FNDC3B: variants seen among roughly 807,000 people sequenced by gnomAD.
The protein encoded by FNDC3B is fibronectin type III domain-containing protein 3B.
Under a neutral mutation model 151.5 loss-of-function variants are expected in FNDC3B, and 12 were observed. The observed-to-expected ratio is 0.08, with a 90% CI of 0.05 to 0.13. The LOEUF (loss-of-function observed/expected upper bound fraction) is 0.13, where lower values mean the gene tolerates loss of function less well. FNDC3B is among the 10% of genes least tolerant of loss of function. The pLI is 1.00. For synonymous variants in FNDC3B, 528 were observed against 549.0 expected, an observed-to-expected ratio of 0.96 and a Z score of 0.54; for missense variants, 1,214 against 1,505.3, an observed-to-expected ratio of 0.81 and a Z score of 3.20.
chr3:172,317,084 A>G (rs538403479), intron 11 of FNDC3B: 1 of 422,728 alleles, frequency 2.4e-6, no homozygotes, highest in Admixed American at 3.0e-5. Context: ...ATGGCAATGC[A>G]TTTGTGAGGA....
At chr3:172,332,645 C>T (rs1481307013) in intron 13 of FNDC3B, among the ~76,000 whole-genome samples, 2 of 152,128 alleles carry the variant, frequency 1.3e-5, no homozygotes, top group Non-Finnish European at 2.9e-5. Context: ...AATGTTTGCC[C>T]TCCTAAAGGA....
intron 3 of FNDC3B, among the ~76,000 whole-genome samples, chr3:172,196,930 C>A (rs1446353106): frequency 6.6e-6 from 1 of 152,180 alleles, no homozygotes. Flanking sequence ...CGCCTGTAAT[C>A]CCACCACTTT....
chr3:172,223,805 A>G (rs1358818362), intron 3 of FNDC3B, among the ~76,000 whole-genome samples: 1 of 152,280 alleles, frequency 6.6e-6, no homozygotes, highest in East Asian at 1.9e-4. Context: ...TTAAAAAGCA[A>G]CCAAAACTAT....
intron 3 of FNDC3B, among the ~76,000 whole-genome samples, chr3:172,218,372 C>T (rs528071567): frequency 6.6e-6 from 1 of 152,068 alleles, no homozygotes; most frequent in East Asian, 1.9e-4. Context: ...ATTAGGTTAT[C>T]GTGAAGATAC....
intron 3 of FNDC3B, among the ~76,000 whole-genome samples, chr3:172,153,588 A>G (rs1298875928): frequency 1.3e-5 from 2 of 152,258 alleles, no homozygotes; most frequent in Non-Finnish European, 2.9e-5. Context: ...TCAGAGGGGA[A>G]AGCGCCTAAC....
intron 2 of FNDC3B, among the ~76,000 whole-genome samples, chr3:172,125,451 G>GGGTAGTAGAC (rs1298973069): frequency 6.6e-6 from 1 of 152,148 alleles, no homozygotes; most frequent in Non-Finnish European, 1.5e-5. Flanking sequence ...GGCCAGAGAA[G>GGGTAGTAGAC]GGTAGTAGAC....
chr3:172,385,470 T>A (rs1216060299), intron 25 of FNDC3B, among the ~76,000 whole-genome samples: 1 of 152,160 alleles, frequency 6.6e-6, no homozygotes, highest in Non-Finnish European at 1.5e-5. Context: ...CAGGGTTATT[T>A]ATACCTGCAG....
rs147410883 is a variant in FNDC3B at position 172,231,969 on chromosome 3, C to G, written c.264+5022C>G. 1.4e-3 allele frequency among the ~76,000 whole-genome samples: 204 copies of G among 149,754 alleles called. 1 individual carries two copies. Among genetic ancestry groups the G allele is most frequent in the African/African-American group, 4.8e-3 (195 of 40,758 alleles). ...GATCTTGGCTCACTGCAACCTCTGC[C>G]TCCTGGGTTCAAGCAATTCTCGTGC... On this transcript the variant is annotated intron_variant, in intron 4 of 25. Coordinates refer to ENST00000415807, the MANE Select transcript of FNDC3B (RefSeq NM_022763.4).
intron 3 of FNDC3B, among the ~76,000 whole-genome samples, chr3:172,136,375 G>GACTAGCAGA (rs1469634334): frequency 2.6e-5 from 4 of 152,206 alleles, no homozygotes; most frequent in Non-Finnish European, 5.9e-5. Flanking sequence ...ACAGTGTGAT[G>GACTAGCAGA]CAGGGAGTAT....
intron 25 of FNDC3B, among the ~76,000 whole-genome samples, chr3:172,393,866 T>C (rs1224427749): frequency 6.6e-6 from 1 of 151,972 alleles, no homozygotes; most frequent in Non-Finnish European, 1.5e-5. Context: ...CCCAGCACTT[T>C]GGGAGGCTGA....
intron 2 of FNDC3B, among the ~76,000 whole-genome samples, chr3:172,132,145 C>T (rs1161528784): frequency 1.3e-5 from 2 of 152,100 alleles, no homozygotes; most frequent in Non-Finnish European, 2.9e-5. Context: ...ACACTGTTAT[C>T]ACAAGCTGAG....
intron 1 of FNDC3B, among the ~76,000 whole-genome samples, chr3:172,100,100 G>A (rs1719309520): frequency 6.6e-6 from 1 of 152,118 alleles, no homozygotes; most frequent in Non-Finnish European, 1.5e-5. Flanking sequence ...AAATTGAATT[G>A]GAGAACATGC....
chr3:172,248,304 T>G (rs1239520125), intron 5 of FNDC3B, among the ~76,000 whole-genome samples: 1 of 152,246 alleles, frequency 6.6e-6, no homozygotes. Flanking sequence ...GCTGTTGATG[T>G]GGCCTTCCTG....
At chr3:172,076,612 ATTAAT>A (rs760506646) in intron 1 of FNDC3B, among the ~76,000 whole-genome samples, 7 of 152,154 alleles carry the variant, frequency 4.6e-5, no homozygotes, top group Non-Finnish European at 8.8e-5. Flanking sequence ...ATTATTTTTA[ATTAAT>A]TTATTTTTTT....
At chr3:172,348,270 GTC>G (rs1320419974) in intron 21 of FNDC3B, among the ~76,000 whole-genome samples, 10 of 152,222 alleles carry the variant, frequency 6.6e-5, no homozygotes, top group Admixed American at 4.6e-4. Flanking sequence ...TACACCCAAT[GTC>G]TCTGGTCTCT....
At chr3:172,304,559 G>T (rs1731095838) in intron 9 of FNDC3B, among the ~76,000 whole-genome samples, 1 of 152,190 alleles carries the variant, frequency 6.6e-6, no homozygotes, top group Admixed American at 6.5e-5. Context: ...ATCTAAAGCG[G>T]GGAGCTGCCC....
At chr3:172,069,232 A>G (rs1196231724) in intron 1 of FNDC3B, among the ~76,000 whole-genome samples, 1 of 152,180 alleles carries the variant, frequency 6.6e-6, no homozygotes, top group African/African-American at 2.4e-5. Context: ...GGGTGAGGGC[A>G]TGGAATCCTC....
intron 4 of FNDC3B, among the ~76,000 whole-genome samples, chr3:172,242,626 A>G (rs1243023962): frequency 6.6e-6 from 1 of 152,108 alleles, no homozygotes; most frequent in African/African-American, 2.4e-5. Flanking sequence ...AAGTCCTTAG[A>G]TTGCACACAG....
intron 22 of FNDC3B, among the ~76,000 whole-genome samples, chr3:172,357,649 C>T (rs1004680367): frequency 6.6e-5 from 10 of 152,172 alleles, no homozygotes; most frequent in Admixed American, 6.6e-4. Context: ...CCTCATTCAG[C>T]TGTCTCAGCC....
Sources: gnomAD v4.1 joint callset for allele counts (sites outside exome capture counted in the v4.1 genomes callset) on GRCh38, gnomAD v4.1.1 for gene constraint, MANE v1.5 for transcripts, NCBI Gene and HGNC (gene_info 2026-07-23, HGNC 2026-07-21) for gene names.